The following WWOX variants were observed in gnomAD, a reference collection of about 807,000 sequenced individuals.
WWOX encodes the protein WW domain containing oxidoreductase.
A neutral mutation model predicts 46.2 loss-of-function variants in WWOX; 69 were observed. That is an observed-to-expected ratio of 1.49 (90% CI 1.23 to 1.82). The LOEUF (loss-of-function observed/expected upper bound fraction) is 1.82. Among genes scored for constraint, WWOX ranks in the 40% most tolerant of loss-of-function variants. The pLI, the probability that WWOX is intolerant of heterozygous loss-of-function variation, is 0.00. For missense variants in WWOX, 919 were observed against 542.6 expected, an observed-to-expected ratio of 1.69 and a Z score of -6.89; for synonymous variants, 359 against 202.6, an observed-to-expected ratio of 1.77 and a Z score of -6.56.
At chr16:78,683,651 C>T (rs1437604733) in intron 8 of WWOX, among the ~76,000 whole-genome samples, 2 of 152,124 alleles carry the variant, frequency 1.3e-5, no homozygotes, top group African/African-American at 4.8e-5. Flanking sequence ...ATCCTCCTGC[C>T]TCGGCTTCCC....
intron 8 of WWOX, among the ~76,000 whole-genome samples, chr16:78,783,552 T>G (rs1251472294): frequency 6.6e-6 from 1 of 152,044 alleles, no homozygotes; most frequent in Non-Finnish European, 1.5e-5. Context: ...CTGTAAGAGG[T>G]TGATGTGTAT....
intron 8 of WWOX, among the ~76,000 whole-genome samples, chr16:78,435,817 A>G (rs2083322324): frequency 6.6e-6 from 1 of 152,178 alleles, no homozygotes; most frequent in Non-Finnish European, 1.5e-5. Context: ...AGCCTGTCTC[A>G]TTACGATGAA....
chr16:78,909,416 C>T (rs2045051107), intron 8 of WWOX, among the ~76,000 whole-genome samples: 1 of 152,172 alleles, frequency 6.6e-6, no homozygotes, highest in East Asian at 1.9e-4. Flanking sequence ...CCATAAACCC[C>T]ACAGAAACAA....
At chr16:79,121,792 T>C (rs2049637591) in intron 8 of WWOX, among the ~76,000 whole-genome samples, 1 of 152,162 alleles carries the variant, frequency 6.6e-6, no homozygotes, top group Non-Finnish European at 1.5e-5. Flanking sequence ...TCCATTACTC[T>C]TTAAAAGTGG....
chr16:78,688,968 T>A (rs1479658401), intron 8 of WWOX, among the ~76,000 whole-genome samples: 1 of 152,186 alleles, frequency 6.6e-6, no homozygotes, highest in East Asian at 1.9e-4. Context: ...AAGAAAGACA[T>A]GTTTGCTTTC....
chr16:78,836,844 C>T (rs190891844), intron 8 of WWOX, among the ~76,000 whole-genome samples: 7 of 152,122 alleles, frequency 4.6e-5, no homozygotes, highest in African/African-American at 7.2e-5. Flanking sequence ...TGAGATGAAA[C>T]AGAATCTCTT....
At chr16:78,599,095 C>G (rs566815311) in intron 8 of WWOX, among the ~76,000 whole-genome samples, 4 of 152,184 alleles carry the variant, frequency 2.6e-5, no homozygotes, top group Non-Finnish European at 5.9e-5. Flanking sequence ...CGATCAGAAC[C>G]TGAATGCCAG....
intron 8 of WWOX, among the ~76,000 whole-genome samples, chr16:78,808,582 G>C (rs1421772119): frequency 6.6e-6 from 1 of 152,124 alleles, no homozygotes. Flanking sequence ...CCAACATTCT[G>C]GGAAGTAGAG....
chr16:78,741,823 C>G (rs1000083434), intron 8 of WWOX, among the ~76,000 whole-genome samples: 2 of 152,198 alleles, frequency 1.3e-5, no homozygotes, highest in Non-Finnish European at 1.5e-5. Context: ...CCACTACACT[C>G]CAGCCTGGGC....
intron 8 of WWOX, among the ~76,000 whole-genome samples, chr16:78,813,052 T>C (rs928129779): frequency 1.3e-4 from 19 of 151,418 alleles, no homozygotes; most frequent in African/African-American, 3.4e-4. Context: ...CGTCTAGTTA[T>C]AGGAAAATAC....
intron 8 of WWOX, among the ~76,000 whole-genome samples, chr16:78,669,732 C>G (rs2047416332): frequency 6.6e-6 from 1 of 152,198 alleles, no homozygotes; most frequent in Non-Finnish European, 1.5e-5. Context: ...TGCCTTTCAT[C>G]CCTTCAATAT....
At chr16:78,915,785 A>T in intron 8 of WWOX, among the ~76,000 whole-genome samples, 1 of 152,210 alleles carries the variant, frequency 6.6e-6, no homozygotes, top group East Asian at 1.9e-4. Context: ...GGAACTTGGT[A>T]TCGTTCACAT....
intron 5 of WWOX, among the ~76,000 whole-genome samples, chr16:78,365,504 A>G (rs144698751): frequency 1.3e-5 from 2 of 152,320 alleles, no homozygotes; most frequent in South Asian, 2.1e-4. Context: ...CATGACTTCA[A>G]TAATGACAAA....
rs78804976 is a variant in WWOX, at chr16:78,535,997, C to T, written c.1056+103245C>T. Among the ~76,000 whole-genome samples the T allele has an allele frequency of 4.3e-3, 653 of 152,252 alleles. 2 individuals are homozygous for T. Among genetic ancestry groups the T allele is most frequent in the African/African-American group, 0.011 (447 of 41,532 alleles). ...CAAAGCTTTCAGGCAAGGTTAGTTT[C>T]GGGTATTTCCAGCCTTAGTCTTGGC... On this transcript the variant is annotated intron_variant, in intron 8 of 8. Coordinates refer to ENST00000566780, the MANE Select transcript of WWOX (RefSeq NM_016373.4).
chr16:78,406,238 A>G (rs914127498), intron 6 of WWOX, among the ~76,000 whole-genome samples: 1 of 144,196 alleles, frequency 6.9e-6, no homozygotes, highest in African/African-American at 2.5e-5. Context: ...TTATAGGACT[A>G]TTTGTGAAAT....
At chr16:79,141,317 T>G (rs11647468) in intron 8 of WWOX, among the ~76,000 whole-genome samples, 8,244 of 152,288 alleles carry the variant, frequency 0.054, 262 homozygotes, top group Non-Finnish European at 0.055. Flanking sequence ...TTGATTGATG[T>G]CTCATGTCTC....
chr16:79,144,248 C>T (rs1455328752), intron 8 of WWOX, among the ~76,000 whole-genome samples: 1 of 152,198 alleles, frequency 6.6e-6, no homozygotes, highest in African/African-American at 2.4e-5. Context: ...TCCCAGCTCT[C>T]CAATCCCCCA....
chr16:78,757,343 CCCCAGCA>C (rs1430277586), intron 8 of WWOX, among the ~76,000 whole-genome samples: 24 of 152,226 alleles, frequency 1.6e-4, no homozygotes, highest in Admixed American at 7.2e-4. Flanking sequence ...CACCCCAGCA[CCCCAGCA>C]CCCCAGCATG....
intron 8 of WWOX, among the ~76,000 whole-genome samples, chr16:78,933,312 G>A (rs1296973525): frequency 6.6e-6 from 1 of 152,204 alleles, no homozygotes; most frequent in Non-Finnish European, 1.5e-5. Flanking sequence ...GGTGTCACAT[G>A]CATGTAGTCC....
Sources: allele counts gnomAD v4.1 joint callset (sites outside exome capture counted in the v4.1 genomes callset), GRCh38; gene constraint gnomAD v4.1.1; transcripts MANE v1.5; gene names NCBI Gene and HGNC (gene_info 2026-07-23, HGNC 2026-07-21).